Variants in CACNA2D3 observed in about 807,000 individuals in gnomAD.
The protein encoded by CACNA2D3 is calcium voltage-gated channel auxiliary subunit alpha2delta 3, also known as voltage-dependent calcium channel subunit alpha-2/delta-3.
CACNA2D3 carries 60 observed loss-of-function variants against 160.6 expected under a neutral mutation model. That is an observed-to-expected ratio of 0.37 (90% confidence interval 0.30 to 0.46). The LOEUF is 0.46. Ranked by LOEUF, CACNA2D3 falls within the 20% of genes least tolerant of loss-of-function variation. The pLI is 1.00. For missense variants in CACNA2D3, 1,205 were observed against 1,365.0 expected (o/e 0.88, Z 1.85); for synonymous variants, 558 against 492.9 (o/e 1.13, Z -1.75).
intron 3 of CACNA2D3, among the ~76,000 whole-genome samples, chr3:54,380,865 C>A (rs1699092309): frequency 6.6e-6 from 1 of 152,170 alleles, no homozygotes; most frequent in African/African-American, 2.4e-5. Context: ...ACATTGAACT[C>A]TTGTTGATTC....
At chr3:54,529,681 A>C (rs1174466394) in intron 5 of CACNA2D3, among the ~76,000 whole-genome samples, 1 of 152,178 alleles carries the variant, frequency 6.6e-6, no homozygotes, top group Non-Finnish European at 1.5e-5. Context: ...TGTAGAGTAC[A>C]ACTGGTCTTT....
chr3:54,228,641 C>T (rs1273004171), intron 2 of CACNA2D3, among the ~76,000 whole-genome samples: 1 of 152,204 alleles, frequency 6.6e-6, no homozygotes, highest in Non-Finnish European at 1.5e-5. Flanking sequence ...ACTTGTGACC[C>T]ATTTTATCTG....
intron 35 of CACNA2D3, among the ~76,000 whole-genome samples, chr3:55,022,555 CTTCT>C (rs1283927740): frequency 9.0e-5 from 11 of 122,718 alleles, no homozygotes; most frequent in African/African-American, 2.7e-4. Flanking sequence ...TCTTTCCTTC[CTTCT>C]TTCTTTCTTT....
At chr3:54,351,865 C>G (rs766861408) in intron 3 of CACNA2D3, among the ~76,000 whole-genome samples, 5 of 152,178 alleles carry the variant, frequency 3.3e-5, no homozygotes, top group African/African-American at 7.2e-5. Flanking sequence ...TCTTAGCATT[C>G]AAAGATCTCG....
chr3:54,515,792 A>G (rs1320615718), intron 5 of CACNA2D3, among the ~76,000 whole-genome samples: 1 of 152,166 alleles, frequency 6.6e-6, no homozygotes, highest in Non-Finnish European at 1.5e-5. Flanking sequence ...TGCACTTGGG[A>G]AAAAAATATG....
intron 27 of CACNA2D3, among the ~76,000 whole-genome samples, chr3:54,913,325 C>T (rs1333332440): frequency 6.6e-6 from 1 of 152,154 alleles, no homozygotes; most frequent in Non-Finnish European, 1.5e-5. Flanking sequence ...GTAGATATTC[C>T]TCCTGGAGAC....
At chr3:54,744,788 C>G (rs141554328) in intron 11 of CACNA2D3, among the ~76,000 whole-genome samples, 1 of 152,304 alleles carries the variant, frequency 6.6e-6, no homozygotes, top group African/African-American at 2.4e-5. Context: ...GGATGCAACT[C>G]TAACTGAATG....
intron 3 of CACNA2D3, among the ~76,000 whole-genome samples, chr3:54,383,734 C>T (rs1007028537): frequency 6.6e-5 from 10 of 152,002 alleles, no homozygotes; most frequent in Non-Finnish European, 1.3e-4. Context: ...TTAACTTGAA[C>T]GTGAACATAA....
chr3:54,323,613 C>T (rs112069528), intron 3 of CACNA2D3, among the ~76,000 whole-genome samples: 15,121 of 152,064 alleles, frequency 0.099, 881 homozygotes, highest in South Asian at 0.13. Context: ...ACTACAGGCA[C>T]CCGCCACCAT....
chr3:54,321,949 A>AAG (rs890104416), intron 3 of CACNA2D3, among the ~76,000 whole-genome samples: 1 of 151,672 alleles, frequency 6.6e-6, no homozygotes, highest in Non-Finnish European at 1.5e-5. Flanking sequence ...AAAACTAGTA[A>AAG]CAGCATTGTC....
chr3:54,763,765 ATATGTATATATG>A (rs1702143481), intron 12 of CACNA2D3, among the ~76,000 whole-genome samples: 2 of 16,390 alleles, frequency 1.2e-4, no homozygotes, highest in Non-Finnish European at 2.1e-4. Context: ...ATACACATAT[ATATGTATATATG>A]TACATATATA....
At chr3:54,648,202 T>C (rs2106858769) in intron 11 of CACNA2D3, among the ~76,000 whole-genome samples, 1 of 152,364 alleles carries the variant, frequency 6.6e-6, no homozygotes, top group East Asian at 1.9e-4. Context: ...TTGCCTGCTT[T>C]TGCAGCTTAT....
At chr3:54,867,413 T>C (rs1463387592) in intron 17 of CACNA2D3, among the ~76,000 whole-genome samples, 3 of 151,850 alleles carry the variant, frequency 2.0e-5, no homozygotes, top group African/African-American at 7.3e-5. Context: ...TTGTGAATAC[T>C]TCACATAACA....
At chr3:54,321,158 A>G (rs895134319) in intron 3 of CACNA2D3, among the ~76,000 whole-genome samples, 1 of 152,006 alleles carries the variant, frequency 6.6e-6, no homozygotes, top group Non-Finnish European at 1.5e-5. Context: ...TGTCTCTACT[A>G]AAAATATAAA....
chr3:54,701,681 T>C (rs572310566), intron 11 of CACNA2D3, among the ~76,000 whole-genome samples: 1 of 152,182 alleles, frequency 6.6e-6, no homozygotes, highest in South Asian at 2.1e-4. Flanking sequence ...CAAAGCAATT[T>C]ATAGATTCAG....
chr3:54,532,479 T>C (rs1023439772), intron 5 of CACNA2D3, among the ~76,000 whole-genome samples: 5 of 152,216 alleles, frequency 3.3e-5, no homozygotes, highest in African/African-American at 4.8e-5. Flanking sequence ...ATGTTTACCA[T>C]ATCTATTATT....
intron 11 of CACNA2D3, among the ~76,000 whole-genome samples, chr3:54,708,846 G>C (rs373677657): frequency 6.6e-6 from 1 of 152,024 alleles, no homozygotes; most frequent in Non-Finnish European, 1.5e-5. Flanking sequence ...TAAATCTTGG[G>C]TCTTAAGTTT....
At chr3:54,393,379 G>A (rs754783477) in intron 4 of CACNA2D3, among the ~76,000 whole-genome samples, 6 of 152,110 alleles carry the variant, frequency 3.9e-5, no homozygotes, top group South Asian at 4.1e-4. Flanking sequence ...GTACTGCACC[G>A]TCTTTGAACT....
intron 4 of CACNA2D3, among the ~76,000 whole-genome samples, chr3:54,418,831 C>A (rs892231214): frequency 6.6e-6 from 1 of 152,110 alleles, no homozygotes; most frequent in Non-Finnish European, 1.5e-5. Context: ...TTTGGGGTAA[C>A]CTTTATTATT....
Sources: gnomAD v4.1 joint callset for allele counts (sites outside exome capture counted in the v4.1 genomes callset) on GRCh38, gnomAD v4.1.1 for gene constraint, MANE v1.5 for transcripts, NCBI Gene and HGNC (gene_info 2026-07-23, HGNC 2026-07-21) for gene names.